The following IMMT variants were observed in gnomAD, a reference collection of about 807,000 sequenced individuals.
The protein encoded by IMMT is MICOS complex subunit MIC60.
A neutral mutation model predicts 92.7 loss-of-function variants in IMMT; 40 were observed. The observed-to-expected ratio is 0.43, with a 90% confidence interval of 0.34 to 0.56. The LOEUF is 0.56. Among genes scored for constraint, IMMT ranks in the 20% least tolerant of loss-of-function variants. The pLI is 0.03. For synonymous variants in IMMT, 322 were observed against 336.1 expected (o/e 0.96, Z 0.46); for missense variants, 831 against 912.1 (o/e 0.91, Z 1.14).
At chr2:86,153,304 T>TACACACACACACACAC (rs10572745) in intron 11 of IMMT, among the ~76,000 whole-genome samples, 218 of 143,934 alleles carry the variant, frequency 1.5e-3, no homozygotes, top group African/African-American at 5.4e-3. Context: ...CAATCCATAT[T>TACACACACACACACAC]ACACACACAC....
At chr2:86,177,028 T>C (rs1265109716) in intron 3 of IMMT, among the ~76,000 whole-genome samples, 1 of 152,140 alleles carries the variant, frequency 6.6e-6, no homozygotes, top group Non-Finnish European at 1.5e-5. Flanking sequence ...TCAAAAACAT[T>C]GTGAAAAAGT....
intron 1 of IMMT, among the ~76,000 whole-genome samples, chr2:86,181,902 T>C (rs1672461179): frequency 6.6e-6 from 1 of 152,216 alleles, no homozygotes; most frequent in African/African-American, 2.4e-5. Flanking sequence ...ATTTAAAAGC[T>C]GATTTTTGGT....
chr2:86,178,977 G>C (rs1275039452), intron 3 of IMMT, among the ~76,000 whole-genome samples: 1 of 152,146 alleles, frequency 6.6e-6, no homozygotes, highest in African/African-American at 2.4e-5. Context: ...CAGGAGAATC[G>C]CTTGAACCCG....
At chr2:86,186,973 G>A (rs964511661) in intron 1 of IMMT, among the ~76,000 whole-genome samples, 2 of 152,042 alleles carry the variant, frequency 1.3e-5, no homozygotes, top group South Asian at 4.1e-4. Context: ...TGTGTATCTA[G>A]CTCTGGCTCT....
In IMMT at chr2:86,146,058, T is replaced by C. The variant is rs769995232; in HGVS notation, c.1663+10A>G. 3 of 1,532,516 alleles carry C rather than the reference T, an allele frequency of 2.0e-6. No homozygotes were observed. Among genetic ancestry groups the C allele is most frequent in the South Asian group, 2.5e-5 (2 of 78,606 alleles). The allele number at this position is 1,532,516 out of a possible 1,614,324, so 94.9% of individuals were successfully genotyped here. A position where few individuals can be genotyped will look rare whatever the true frequency, so the allele number is the denominator to read the frequency against. ...AAATTATCTGTAAGATAAACATAGC[T>C]TATGCTTACTCTGAACAGCCTGTTC... On this transcript the variant is annotated intron_variant, in intron 14 of 14. Coordinates refer to ENST00000410111, the MANE Select transcript of IMMT (RefSeq NM_006839.3).
At position 86,181,326 on chromosome 2, in the gene IMMT, C is replaced by A; in HGVS notation, c.92G>T (p.Arg31Leu). The change falls in exon 2 of 15, where the codon CGC becomes CTC. Residue 31 changes from arginine (R) to leucine (L), a missense_variant. Arg to Leu is a moderately radical substitution (Grantham distance 102). Transcript: ENST00000410111. ...KFVLRPLRPC[R>L]RYSTSGSSGL... ...AGAGCTGCCTGAAGTAGAGTATCTG[C>A]GGCATGGTCGCAATGGACGGAGGAC... 1.2e-6 allele frequency: 2 copies of A among 1,613,534 alleles called. No homozygotes were observed. The highest frequency in any genetic ancestry group is 1.1e-5 in the South Asian group (1 of 91,048).
chr2:86,159,619 C>T lies in IMMT; in HGVS notation c.949G>A (p.Val317Ile), dbSNP rs1676122861. The change falls in exon 9 of 15, where the codon GTT becomes ATT. Residue 317 changes from valine to isoleucine, a missense_variant. Physicochemically the swap from Val to Ile is conservative, Grantham distance 29 (BLOSUM62 3). Transcript: ENST00000410111. ...GTTATATGAGGCTTGGCCCCAGCAA[C>T]CTCTTTTTTCTTTGCATTTTCAATC... ...SVIENAKKKEVAGAKPHITAA... is the reference protein window; with the variant it reads ...SVIENAKKKEIAGAKPHITAA... 3.2e-6 allele frequency: 5 copies of T among 1,581,054 alleles called. No individual in the cohort carries two copies. The highest frequency in any genetic ancestry group is 4.3e-6 in the Non-Finnish European group (5 of 1,170,352).
At chr2:86,181,012 G>A (rs1319338487) in intron 2 of IMMT, among the ~76,000 whole-genome samples, 1 of 152,142 alleles carries the variant, frequency 6.6e-6, no homozygotes, top group Non-Finnish European at 1.5e-5. Flanking sequence ...AACATGCTGA[G>A]TTCTGGATAT....
rs1432422154 is a variant in IMMT at position 86,162,232 on chromosome 2, T to C, written c.793-153A>G. ...AGAGTAAGAACTCTTAATTTAAGGC[T>C]TATGTTCTTAATTTAAGGCTTATGA... On this transcript the variant is annotated intron_variant, in intron 7 of 14. Transcript: ENST00000410111. 3.3e-5 allele frequency among the ~76,000 whole-genome samples: 5 copies of C among 152,160 alleles called. 1 individual carries two copies. In the East Asian group the frequency reaches 9.7e-4, roughly 30 times the overall value.
intron 1 of IMMT, among the ~76,000 whole-genome samples, chr2:86,193,927 C>T (rs1344763570): frequency 6.6e-6 from 1 of 152,202 alleles, no homozygotes; most frequent in Non-Finnish European, 1.5e-5. Context: ...CTGGTCTAAT[C>T]ACATAAGCCT....
intron 12 of IMMT, among the ~76,000 whole-genome samples, 163 bp from the exon 13 acceptor site, chr2:86,147,996 A>T (rs979179494): frequency 1.3e-5 from 2 of 152,212 alleles, no homozygotes; most frequent in Non-Finnish European, 2.9e-5. Context: ...GAAACGGAAA[A>T]CTAAACCCTG....
At chr2:86,179,692 T>C (rs1677694684) in intron 2 of IMMT, 70 bp from the exon 3 acceptor site, 1 of 1,318,076 alleles carries the variant, frequency 7.6e-7, no homozygotes. Flanking sequence ...TATACCAATG[T>C]AACCATCTCG....
chr2:86,179,711 T>C lies in IMMT; in HGVS notation c.120-89A>G, dbSNP rs543298476. 6.0e-4 allele frequency: 610 copies of C among 1,016,204 alleles called. 12 individuals carry two copies. The South Asian group carries it at 0.011, about 18-fold the overall frequency. The allele number at this position is 1,016,204 out of a possible 1,614,324, so 62.9% of individuals were successfully genotyped here. A position where few individuals can be genotyped will look rare whatever the true frequency, so the allele number is the denominator to read the frequency against. On this transcript the variant is annotated intron_variant, in intron 2 of 14. Transcript: ENST00000410111. ...CCAATGTAACCATCTCGAAGACCTC[T>C]AGCCTCTACTTATCTACCACTAATT... is the stretch of plus-strand genomic sequence containing the variant.
chr2:86,165,749 C>T (rs542815978), intron 7 of IMMT, among the ~76,000 whole-genome samples: 79 of 90,860 alleles, frequency 8.7e-4, no homozygotes, highest in African/African-American at 3.5e-3. Flanking sequence ...TGAAGTGTTT[C>T]GCATAAATAA....
intron 1 of IMMT, among the ~76,000 whole-genome samples, chr2:86,183,563 A>G (rs1009686213): frequency 1.3e-5 from 2 of 152,254 alleles, no homozygotes; most frequent in African/African-American, 4.8e-5. Flanking sequence ...AAATAAATTT[A>G]AAATCTGAGG....
chr2:86,145,898 A>G (rs1294566341), intron 14 of IMMT, among the ~76,000 whole-genome samples, 170 bp downstream of exon 14: 1 of 152,200 alleles, frequency 6.6e-6, no homozygotes, highest in African/African-American at 2.4e-5. Context: ...ATAAATTTCT[A>G]GTTATATAGA....
At chr2:86,167,484 G>GTTTTT (rs66768832) in intron 6 of IMMT, among the ~76,000 whole-genome samples, 4 of 123,202 alleles carry the variant, frequency 3.2e-5, no homozygotes, top group Admixed American at 8.4e-5. Context: ...TTTGTTTTTT[G>GTTTTT]TTTTTTTTTT....
chr2:86,179,097 A>G (rs763516642), intron 3 of IMMT, among the ~76,000 whole-genome samples: 29 of 152,128 alleles, frequency 1.9e-4, no homozygotes, highest in Admixed American at 1.9e-3. Context: ...ACAAAAACAA[A>G]CTGCATCTGT....
intron 10 of IMMT, among the ~76,000 whole-genome samples, chr2:86,156,034 G>A (rs1438900948): frequency 2.0e-5 from 3 of 152,142 alleles, no homozygotes; most frequent in Admixed American, 6.5e-5. Context: ...TGCTTCACAA[G>A]GGACCTTCAT....
Sources: allele counts gnomAD v4.1 joint callset (sites outside exome capture counted in the v4.1 genomes callset), GRCh38; gene constraint gnomAD v4.1.1; transcripts MANE v1.5; gene names NCBI Gene and HGNC (gene_info 2026-07-23, HGNC 2026-07-21).